BACH2: variants seen among roughly 807,000 people sequenced by gnomAD.
BACH2 encodes transcription regulator protein BACH2.
Under a neutral mutation model 61.8 loss-of-function variants are expected in BACH2, and 5 were observed. That is an observed-to-expected ratio of 0.08 (90% confidence interval 0.04 to 0.17). The LOEUF is 0.17. Ranked by LOEUF, BACH2 falls within the 10% of genes least tolerant of loss-of-function variation. The probability of loss-of-function intolerance (pLI) is 1.00; values close to 1 mark genes in which losing one functional copy is unlikely to be tolerated. For missense variants in BACH2, 824 were observed against 1,091.1 expected, an observed-to-expected ratio of 0.76 and a Z score of 3.45; for synonymous variants, 446 against 440.1, an observed-to-expected ratio of 1.01 and a Z score of -0.17.
At chr6:90,031,700 A>C (rs1778991133) in intron 5 of BACH2, among the ~76,000 whole-genome samples, 1 of 152,228 alleles carries the variant, frequency 6.6e-6, no homozygotes, top group Non-Finnish European at 1.5e-5. Flanking sequence ...CAATGAAATA[A>C]AAGAGGATAT....
At chr6:90,092,989 C>T (rs1021508898) in intron 4 of BACH2, among the ~76,000 whole-genome samples, 4 of 152,146 alleles carry the variant, frequency 2.6e-5, no homozygotes, top group African/African-American at 9.7e-5. Context: ...GCGCAGAGTC[C>T]TTGAGCAGCC....
At chr6:90,294,507 T>C (rs1426464946) in intron 1 of BACH2, among the ~76,000 whole-genome samples, 4 of 152,366 alleles carry the variant, frequency 2.6e-5, no homozygotes, top group Admixed American at 2.6e-4. Context: ...GGTGAAATTA[T>C]AAACTCCAGA....
intron 6 of BACH2, among the ~76,000 whole-genome samples, chr6:89,966,536 C>T (rs1379712079): frequency 6.6e-6 from 1 of 152,192 alleles, no homozygotes; most frequent in Non-Finnish European, 1.5e-5. Context: ...TTGTTATGAT[C>T]CAACACCCAC....
intron 1 of BACH2, among the ~76,000 whole-genome samples, chr6:90,288,429 C>T (rs1249794677): frequency 6.6e-6 from 1 of 152,116 alleles, no homozygotes; most frequent in Non-Finnish European, 1.5e-5. Flanking sequence ...TACATTCATA[C>T]ACTTGATCAT....
rs1779381515 is a variant in BACH2 at position 90,038,696 on chromosome 6, A to G, written c.-12-29840T>C. Among the ~76,000 whole-genome samples, 2 of 152,160 alleles carry G rather than the reference A, an allele frequency of 1.3e-5. 1 individual carries two copies. Among genetic ancestry groups the G allele is most frequent in the Non-Finnish European group, 2.9e-5 (2 of 68,028 alleles). ...AGAGAGAACTGATGCCTATTTAAGC[A>G]AAGATATATATATTTATAGATAGAT... On this transcript the variant is annotated intron_variant, in intron 5 of 8. Transcript: ENST00000257749.
At chr6:90,058,655 C>T (rs541119046) in intron 5 of BACH2, among the ~76,000 whole-genome samples, 67 of 152,096 alleles carry the variant, frequency 4.4e-4, no homozygotes, top group Admixed American at 8.5e-4. Flanking sequence ...AAAAAGAGCC[C>T]GCATCGCCAA....
chr6:89,991,330 C>T (rs1037112149), intron 6 of BACH2, among the ~76,000 whole-genome samples: 2 of 152,228 alleles, frequency 1.3e-5, no homozygotes, highest in African/African-American at 4.8e-5. Flanking sequence ...CATATATCCA[C>T]CTACTTTTAG....
At chr6:89,936,529 G>A (rs1333066772) in intron 8 of BACH2, among the ~76,000 whole-genome samples, 1 of 152,222 alleles carries the variant, frequency 6.6e-6, no homozygotes, top group Non-Finnish European at 1.5e-5. Context: ...CAAGTGCAGA[G>A]TTTGATTTTA....
intron 6 of BACH2, among the ~76,000 whole-genome samples, chr6:89,966,258 T>C (rs746536239): frequency 9.9e-5 from 15 of 152,210 alleles, no homozygotes; most frequent in Non-Finnish European, 1.9e-4. Context: ...TACAGTAAGC[T>C]GGGATAAAAA....
At chr6:90,013,807 C>A (rs1177315437) in intron 5 of BACH2, among the ~76,000 whole-genome samples, 1 of 151,918 alleles carries the variant, frequency 6.6e-6, no homozygotes, top group Non-Finnish European at 1.5e-5. Context: ...TGTGCCCGGC[C>A]TCTTTTTCTA....
At chr6:90,276,477 C>T (rs1184096978) in intron 1 of BACH2, among the ~76,000 whole-genome samples, 1 of 152,184 alleles carries the variant, frequency 6.6e-6, no homozygotes, top group African/African-American at 2.4e-5. Flanking sequence ...TTTGTGTTGG[C>T]AAATCCTAGA....
At chr6:90,205,167 T>C (rs1769099110) in intron 4 of BACH2, among the ~76,000 whole-genome samples, 1 of 152,190 alleles carries the variant, frequency 6.6e-6, no homozygotes, top group Admixed American at 6.5e-5. Context: ...GGTCCTTTAG[T>C]AGAAGAATTT....
At chr6:90,068,908 G>A (rs191104176) in intron 5 of BACH2, among the ~76,000 whole-genome samples, 13 of 152,188 alleles carry the variant, frequency 8.5e-5, no homozygotes, top group South Asian at 2.1e-4. Flanking sequence ...CTGGATTCGC[G>A]CCGTAATCAT....
intron 6 of BACH2, among the ~76,000 whole-genome samples, chr6:90,006,811 T>C (rs1438883478): frequency 2.6e-5 from 4 of 151,530 alleles, no homozygotes; most frequent in Non-Finnish European, 5.9e-5. Context: ...GAGATGGGGG[T>C]CTCCCTATGT....
chr6:90,109,880 G>A (rs1042820139), intron 4 of BACH2, among the ~76,000 whole-genome samples: 1 of 152,150 alleles, frequency 6.6e-6, no homozygotes, highest in Non-Finnish European at 1.5e-5. Flanking sequence ...TCTTGATTAT[G>A]TGGGTTATAG....
intron 5 of BACH2, among the ~76,000 whole-genome samples, chr6:90,029,196 G>A (rs973440401): frequency 9.9e-5 from 15 of 152,202 alleles, no homozygotes; most frequent in African/African-American, 3.4e-4. Context: ...CAGGTTCAGC[G>A]ATCTGCATTT....
In BACH2 at chr6:90,026,712, G is replaced by A. The variant is rs115280752; in HGVS notation, c.-12-17856C>T. On this transcript the variant is annotated intron_variant, in intron 5 of 8. Coordinates refer to ENST00000257749, the MANE Select transcript of BACH2 (RefSeq NM_021813.4). ...CCTGCCCCAGCTCCTAAGAGGGCAC[G>A]CGGTTTACAGGTAGGAAAGGAAACA... 3.4e-3 allele frequency among the ~76,000 whole-genome samples: 519 copies of A among 152,264 alleles called. 1 individual carries two copies. The highest frequency in any genetic ancestry group is 0.012 in the African/African-American group (493 of 41,540).
intron 2 of BACH2, among the ~76,000 whole-genome samples, chr6:90,260,662 A>C (rs947894709): frequency 6.6e-6 from 1 of 152,222 alleles, no homozygotes; most frequent in African/African-American, 2.4e-5. Context: ...AGCAGCTAGC[A>C]TTACCTTAAT....
intron 3 of BACH2, among the ~76,000 whole-genome samples, chr6:90,218,956 T>TGA (rs1554258636): frequency 2.4e-4 from 36 of 149,504 alleles, no homozygotes; most frequent in South Asian, 8.5e-4. Context: ...TGTGTGTGTG[T>TGA]GACACAGAGA....
Sources: allele counts gnomAD v4.1 joint callset (sites outside exome capture counted in the v4.1 genomes callset), GRCh38; gene constraint gnomAD v4.1.1; transcripts MANE v1.5; gene names NCBI Gene and HGNC (gene_info 2026-07-23, HGNC 2026-07-21).